Variants in CASP6 observed in about 807,000 individuals in gnomAD.
The protein encoded by CASP6 is caspase-6.
A neutral mutation model predicts 31.8 loss-of-function variants in CASP6; 20 were observed. That is an observed-to-expected ratio of 0.63 (90% CI 0.44 to 0.91). The LOEUF (loss-of-function observed/expected upper bound fraction) is 0.91, where lower values mean the gene tolerates loss of function less well. CASP6 is among the 40% of genes least tolerant of loss of function. CASP6 has a pLI of 0.00. For missense variants in CASP6, 328 were observed against 361.1 expected (o/e 0.91, Z 0.74); for synonymous variants, 130 against 127.8 (o/e 1.02, Z -0.12).
chr4:109,674,859 G>A, the CASP6 span, among the ~76,000 whole-genome samples: 1 of 152,348 alleles, frequency 6.6e-6, no homozygotes, highest in Non-Finnish European at 1.5e-5. Context: ...TTTTAAATGT[G>A]TGTGTTGCTT....
downstream of CASP6, chr4:109,684,347 C>A: frequency 1.0e-6 from 1 of 956,708 alleles, no homozygotes. Flanking sequence ...CAGGCGTGAG[C>A]CACCGCGCCC....
In CASP6 at chr4:109,700,274, G is replaced by T. The variant is rs534409031; in HGVS notation, c.41-1932C>A. ...TTAATAACTTAAGATGTGAGTTTGGGTTGTCTCAAATATGCCCTCACATTA... is the reference window on the plus strand; with the variant it reads ...TTAATAACTTAAGATGTGAGTTTGGTTTGTCTCAAATATGCCCTCACATTA... On this transcript the variant is annotated intron_variant, in intron 1 of 6. Coordinates refer to ENST00000265164, the MANE Select transcript of CASP6 (RefSeq NM_001226.4). Among the ~76,000 whole-genome samples, 187 of 152,310 alleles carry T rather than the reference G, an allele frequency of 1.2e-3. 1 individual carries two copies. Among genetic ancestry groups the T allele is most frequent in the Non-Finnish European group, 2.1e-3 (140 of 68,018 alleles).
At chr4:109,674,812 T>C in the CASP6 span, among the ~76,000 whole-genome samples, 2 of 152,266 alleles carry the variant, frequency 1.3e-5, no homozygotes, top group African/African-American at 4.8e-5. Context: ...AATAGAAATA[T>C]GTATTTTAAG....
the CASP6 span, among the ~76,000 whole-genome samples, chr4:109,680,896 G>A: frequency 6.6e-6 from 1 of 152,174 alleles, no homozygotes; most frequent in South Asian, 2.1e-4. Flanking sequence ...ACAGCTCTCA[G>A]AAGGGTATCA....
chr4:109,680,021 C>CA, the CASP6 span, among the ~76,000 whole-genome samples: 1 of 152,152 alleles, frequency 6.6e-6, no homozygotes, highest in African/African-American at 2.4e-5. Context: ...AGGCTGATCT[C>CA]AAACTCCTGA....
At chr4:109,685,188 C>T (rs1042273724), downstream of CASP6, 24 of 725,674 alleles carry the variant, frequency 3.3e-5, no homozygotes, top group Non-Finnish European at 5.1e-5. Flanking sequence ...AAGTATCTTT[C>T]TTGCAGAGGC....
intron 5 of CASP6, among the ~76,000 whole-genome samples, chr4:109,691,641 G>A (rs1219552050): frequency 6.6e-6 from 1 of 152,124 alleles, no homozygotes; most frequent in Non-Finnish European, 1.5e-5. Context: ...CTTCTCATAA[G>A]TGACTTTTAC....
Position 109,689,304 on chromosome 4 carries a change from G to C in CASP6, c.*26C>G. ...CTGAGAAAGCCATTTTCAATACAGA[G>C]TGTAAAATTAGATAGCCTCTATTAA... On this transcript the variant is annotated 3_prime_UTR_variant, in exon 7 of 7. Coordinates refer to ENST00000265164, the MANE Select transcript of CASP6 (RefSeq NM_001226.4). 6.2e-7 allele frequency: 1 copy of C among 1,601,126 alleles called. No individual in the cohort carries two copies. Among genetic ancestry groups the C allele is most frequent in the East Asian group, 2.2e-5 (1 of 44,776 alleles).
At chr4:109,676,310 G>A in the CASP6 span, among the ~76,000 whole-genome samples, 6 of 152,224 alleles carry the variant, frequency 3.9e-5, no homozygotes, top group African/African-American at 1.4e-4. Context: ...AGGCTGAGGC[G>A]GGTGGATCAC....
the CASP6 span, among the ~76,000 whole-genome samples, chr4:109,677,047 A>AT: frequency 6.6e-6 from 1 of 152,240 alleles, no homozygotes; most frequent in Admixed American, 6.5e-5. Context: ...CAGCAAAGCC[A>AT]TGGGGGCAGG....
the CASP6 span, chr4:109,682,455 G>A: frequency 4.1e-6 from 3 of 725,556 alleles, no homozygotes; most frequent in Non-Finnish European, 7.0e-6. Flanking sequence ...TTACATGTTT[G>A]TACACCAGCT....
the CASP6 span, among the ~76,000 whole-genome samples, chr4:109,665,444 T>A: frequency 2.0e-5 from 3 of 152,304 alleles, no homozygotes; most frequent in Admixed American, 6.5e-5. Flanking sequence ...TTCAAGAACC[T>A]GTCTATGACA....
At chr4:109,675,528 C>T in the CASP6 span, among the ~76,000 whole-genome samples, 1 of 152,164 alleles carries the variant, frequency 6.6e-6, no homozygotes, top group South Asian at 2.1e-4. Context: ...AGCTCAGTAC[C>T]CTCTGGAAAA....
intron 1 of CASP6, 112 bp downstream of exon 1, chr4:109,703,244 G>A: frequency 9.5e-6 from 12 of 1,268,214 alleles, no homozygotes; most frequent in Non-Finnish European, 1.3e-5. Context: ...CAAAGCCGAA[G>A]GAACCCGCGG....
chr4:109,699,324 G>C (rs953919484), intron 1 of CASP6, among the ~76,000 whole-genome samples: 18 of 152,138 alleles, frequency 1.2e-4, no homozygotes, highest in African/African-American at 4.3e-4. Flanking sequence ...TCATCTCCTA[G>C]CCAAAAGGGT....
downstream of CASP6, among the ~76,000 whole-genome samples, chr4:109,686,511 T>A (rs1330373419): frequency 6.6e-6 from 1 of 152,174 alleles, no homozygotes. Context: ...TTAAAAAAAA[T>A]TTGTGGATTC....
At chr4:109,684,772 A>C (rs1729799059), downstream of CASP6, 1 of 591,874 alleles carries the variant, frequency 1.7e-6, no homozygotes, top group South Asian at 2.2e-5. Context: ...GAGCTGGTAA[A>C]TTTTTTATTG....
intron 6 of CASP6, among the ~76,000 whole-genome samples, chr4:109,689,934 C>T (rs1208517846): frequency 6.6e-6 from 1 of 152,086 alleles, no homozygotes; most frequent in African/African-American, 2.4e-5. Flanking sequence ...CCTATAATCC[C>T]AGCACTTTGG....
intron 4 of CASP6, 96 bp from the exon 5 acceptor site, chr4:109,694,796 T>G (rs1730186649): frequency 8.4e-7 from 1 of 1,190,218 alleles, no homozygotes; most frequent in African/African-American, 1.6e-5. Flanking sequence ...TAAAGTTACA[T>G]CCACATGATT....
Sources: gnomAD v4.1 joint callset for allele counts (sites outside exome capture counted in the v4.1 genomes callset) on GRCh38, gnomAD v4.1.1 for gene constraint, MANE v1.5 for transcripts, NCBI Gene and HGNC (gene_info 2026-07-23, HGNC 2026-07-21) for gene names.